The following KIRREL2 variants were observed in gnomAD, a reference collection of about 807,000 sequenced individuals.
KIRREL2 encodes the protein kin of IRRE-like protein 2.
In KIRREL2, 56 loss-of-function variants were observed where a neutral mutation model predicts 73.4. The ratio of observed to expected loss-of-function variants is 0.76; its 90% CI spans 0.62 to 0.95. The LOEUF is 0.95. Ranked by LOEUF, KIRREL2 falls within the 40% of genes least tolerant of loss-of-function variation. The pLI is 0.00. For missense variants in KIRREL2, 896 were observed against 935.0 expected (o/e 0.96, Z 0.54); for synonymous variants, 407 against 404.0 (o/e 1.01, Z -0.09).
chr19:35,859,494 A>C lies in KIRREL2; in HGVS notation c.536A>C (p.Glu179Ala). The C allele has an allele frequency of 6.2e-7, 1 of 1,614,064 alleles. No homozygotes were observed. The highest frequency in any genetic ancestry group is 8.5e-7 in the Non-Finnish European group (1 of 1,179,942). The change falls in exon 5 of 15, where the codon GAA (glutamate) becomes GCA (alanine). Residue 179 changes from glutamate to alanine, a missense_variant. Transcript: ENST00000360202. Reference protein sequence around the residue: ...GATFHQTLLKEGTPGSVESTL... With the variant: ...GATFHQTLLKAGTPGSVESTL... ...CCTTCCCTCCAGACCCTGCTGAAGG[A>C]AGGGACCCCTGGGTCAGTGGAGAGC...
At chr19:35,861,378 C>G in intron 9 of KIRREL2, 124 bp downstream of exon 9, 2 of 1,483,136 alleles carry the variant, frequency 1.3e-6, no homozygotes, top group African/African-American at 2.8e-5. Flanking sequence ...GGGCTGGAGA[C>G]CGGACCTATT....
chr19:35,862,112 T>C (rs930044906), intron 11 of KIRREL2, 88 bp downstream of exon 11: 127 of 1,126,844 alleles, frequency 1.1e-4, no homozygotes, highest in Middle Eastern at 2.8e-4. Flanking sequence ...CAAAACCTCA[T>C]ACCCTCAAAT....
chr19:35,856,769 GCCC>G, upstream of KIRREL2: 1 of 343,970 alleles, frequency 2.9e-6, no homozygotes, highest in Admixed American at 4.8e-5. The surrounding 1 kb of genome is among the most constrained non-coding windows in gnomAD (Gnocchi z 5.9). Flanking sequence ...AGCTGGGGGC[GCCC>G]ACCCGCCGGG....
At position 35,862,607 on chromosome 19, in the gene KIRREL2, T is replaced by C. The variant is rs1469548082; in HGVS notation, c.1615+10T>C. ...TGGCGCCACAGCAAGGGTTAGTGCC[T>C]GAGCCCCGCCCCGGCTCCCGAGGCC... On this transcript the variant is annotated intron_variant, in intron 12 of 14. Transcript: ENST00000360202. 1.9e-6 allele frequency: 3 copies of C among 1,589,626 alleles called. No homozygotes were observed. Among genetic ancestry groups the C allele is most frequent in the South Asian group, 2.2e-5 (2 of 90,766 alleles).
intron 2 of KIRREL2, among the ~76,000 whole-genome samples, 185 bp from the exon 3 acceptor site, chr19:35,858,223 C>G (rs1221800989): frequency 6.6e-6 from 1 of 152,080 alleles, no homozygotes; most frequent in African/African-American, 2.4e-5. Context: ...TTTATTACCC[C>G]TAAGTTTGCA....
Position 35,866,623 on chromosome 19 carries a change from C to G in KIRREL2, c.*131C>G. 7.3e-7 allele frequency: 1 copy of G among 1,368,816 alleles called. No homozygotes were observed. Among genetic ancestry groups the G allele is most frequent in the Non-Finnish European group, 1.0e-6 (1 of 978,120 alleles). 84.8% of individuals were successfully genotyped at this position (1,368,816 alleles called of 1,614,324 possible). On this transcript the variant is annotated 3_prime_UTR_variant, in exon 15 of 15. Transcript: ENST00000360202. ...ACACAAGGGGAGGGAAAGATCATTACATTTGTCAGGAGCATTTGTATACAG... is the reference window on the plus strand; with the variant it reads ...ACACAAGGGGAGGGAAAGATCATTAGATTTGTCAGGAGCATTTGTATACAG...
upstream of KIRREL2, chr19:35,851,592 C>T (rs764249562): frequency 4.2e-5 from 68 of 1,613,844 alleles, no homozygotes; most frequent in Non-Finnish European, 5.5e-5. Context: ...TCCACTGAGG[C>T]CCCCTCCACC....
chr19:35,865,586 C>T (rs577199997), intron 14 of KIRREL2, among the ~76,000 whole-genome samples: 58 of 152,338 alleles, frequency 3.8e-4, no homozygotes, highest in African/African-American at 1.3e-3. Context: ...ACAGCTCGAT[C>T]ATTTTGCCTG....
chr19:35,862,099 C>T, intron 11 of KIRREL2, 75 bp downstream of exon 11: 1 of 1,289,396 alleles, frequency 7.8e-7, no homozygotes. Flanking sequence ...CAGCCGAGGG[C>T]TGCAAAACCT....
intron 9 of KIRREL2, 141 bp downstream of exon 9, chr19:35,861,395 G>T: frequency 1.4e-6 from 2 of 1,469,268 alleles, no homozygotes; most frequent in Non-Finnish European, 9.2e-7. Flanking sequence ...TATTGAAGGC[G>T]AGGCTTTTAG....
intron 13 of KIRREL2, among the ~76,000 whole-genome samples, chr19:35,864,105 C>T (rs933226398): frequency 6.6e-6 from 1 of 151,836 alleles, no homozygotes; most frequent in African/African-American, 2.4e-5. Flanking sequence ...TGACCCCACA[C>T]CCAAATGTCA....
intron 13 of KIRREL2, among the ~76,000 whole-genome samples, chr19:35,863,959 A>G (rs1242536154): frequency 6.6e-6 from 1 of 151,582 alleles, no homozygotes; most frequent in Non-Finnish European, 1.5e-5. Flanking sequence ...TATTTTTAGT[A>G]GAGACGAGGT....
intron 12 of KIRREL2, 93 bp downstream of exon 12, chr19:35,862,690 C>G: frequency 1.0e-6 from 1 of 961,844 alleles, no homozygotes; most frequent in Non-Finnish European, 1.6e-6. Context: ...GGCCTTGGCT[C>G]CAGTCCCATT....
At position 35,862,387 on chromosome 19, in the gene KIRREL2, T is replaced by C. The variant is rs1973732856; in HGVS notation, c.1511-106T>C. The C allele has an allele frequency of 3.5e-6, 3 of 857,224 alleles. No homozygotes were observed. The South Asian group carries it at 4.3e-5, about 12-fold the overall frequency. 53.1% of individuals were successfully genotyped at this position (857,224 alleles called of 1,614,324 possible). On this transcript the variant is annotated intron_variant, in intron 11 of 14. Coordinates refer to ENST00000360202, the MANE Select transcript of KIRREL2 (RefSeq NM_199180.4). The stretch of plus-strand genomic sequence containing the variant: ...CCCAAATTCAAGGGCCTTTGAATCT[T>C]CAAATGTGCGACCTTTTGAACCCAG...
At chr19:35,853,031 G>A (rs1411662325), upstream of KIRREL2, among the ~76,000 whole-genome samples, 3 of 152,126 alleles carry the variant, frequency 2.0e-5, no homozygotes, top group African/African-American at 7.2e-5. Context: ...CTGACCTCAG[G>A]TGATCCATCT....
chr19:35,866,356 C>T lies in KIRREL2; in HGVS notation c.1991C>T (p.Thr664Ile). ...AGAGCCAGGGCAGGCTATCTCACCA[C>T]ACCCCACCCTCGAGCTTTCACCAGC... Reference protein sequence around the residue: ...LYRARAGYLTTPHPRAFTSYI... With the variant: ...LYRARAGYLTIPHPRAFTSYI... Residue 664 changes from threonine (T) to isoleucine (I), a missense_variant, in exon 15 of 15, where the codon ACA (threonine) becomes ATA (isoleucine). Coordinates refer to ENST00000360202, the MANE Select transcript of KIRREL2 (RefSeq NM_199180.4). The T allele has an allele frequency of 1.2e-6, 2 of 1,613,054 alleles. No homozygotes were observed. Among genetic ancestry groups the T allele is most frequent in the South Asian group, 1.1e-5 (1 of 91,056 alleles).
chr19:35,854,975 T>G (rs564971328), upstream of KIRREL2, among the ~76,000 whole-genome samples: 2 of 152,264 alleles, frequency 1.3e-5, no homozygotes, highest in South Asian at 2.1e-4. Flanking sequence ...GGGATAAGCT[T>G]CTTCTGCCTG....
At chr19:35,852,220 C>T (rs1378739472), upstream of KIRREL2, among the ~76,000 whole-genome samples, 3 of 151,708 alleles carry the variant, frequency 2.0e-5, no homozygotes, top group Non-Finnish European at 4.4e-5. Flanking sequence ...TGAGCCACTG[C>T]GCCCAGTCTC....
Position 35,857,374 on chromosome 19 carries a change from G to A in KIRREL2, c.91G>A (p.Glu31Lys), listed in dbSNP as rs1393409199. ...GTCGCCCCATTTCCTGCAACAGCCA[G>A]AGGACCTGGTGGTGCTGCTGGGGGA... ...GPSPHFLQQP[E>K]DLVVLLGEEA... Residue 31 changes from glutamate to lysine, a missense_variant, in exon 2 of 15, where the codon GAG becomes AAG. By Grantham distance (56) the Glu-to-Lys change is moderately conservative. Transcript: ENST00000360202. 1.2e-6 allele frequency: 2 copies of A among 1,612,816 alleles called. No homozygotes were observed. Among genetic ancestry groups the A allele is most frequent in the African/African-American group, 2.7e-5 (2 of 74,898 alleles).
Sources: allele counts gnomAD v4.1 joint callset (sites outside exome capture counted in the v4.1 genomes callset), GRCh38; gene constraint gnomAD v4.1.1; non-coding constraint Gnocchi (gnomAD v3.1); transcripts MANE v1.5; gene names NCBI Gene and HGNC (gene_info 2026-07-23, HGNC 2026-07-21).